GNG2: variants seen among roughly 807,000 people sequenced by gnomAD.
GNG2 encodes G protein subunit gamma 2.
In GNG2, 5 loss-of-function variants were observed where a neutral mutation model predicts 5.5. The ratio of observed to expected loss-of-function variants is 0.91; its 90% confidence interval spans 0.48 to 1.92. The LOEUF is 1.92. Among genes scored for constraint, GNG2 ranks in the 30% most tolerant of loss-of-function variants. The pLI is 0.01. For synonymous variants in GNG2, 28 were observed against 32.0 expected, an observed-to-expected ratio of 0.88 and a Z score of 0.42; for missense variants, 55 against 88.4, an observed-to-expected ratio of 0.62 and a Z score of 1.52.
intron 2 of GNG2, chr14:51,940,503 C>G (rs1407051157): frequency 6.6e-6 from 1 of 152,272 alleles, no homozygotes; most frequent in East Asian, 1.9e-4. Context: ...TTCTTCATCT[C>G]AAACCTCCAC....
chr14:51,917,239 C>G (rs1391508181), intron 2 of GNG2: 1 of 388,604 alleles, frequency 2.6e-6, no homozygotes, highest in African/African-American at 2.1e-5. Flanking sequence ...GTTCTGGAGT[C>G]AAAATATCCA....
intron 2 of GNG2, among the ~76,000 whole-genome samples, chr14:51,884,931 G>A (rs931936160): frequency 1.3e-5 from 2 of 152,172 alleles, no homozygotes; most frequent in African/African-American, 4.8e-5. Flanking sequence ...CTCGAGTTGA[G>A]AGGAGAGGTC....
chr14:51,836,258 G>T (rs947810865), intron 2 of GNG2, among the ~76,000 whole-genome samples: 9 of 151,954 alleles, frequency 5.9e-5, no homozygotes, highest in African/African-American at 1.7e-4. Flanking sequence ...CACACTGGGG[G>T]TTTAGGCTTC....
chr14:51,826,223 G>C (rs886073086), exon 1 of GNG2: 1 of 152,278 alleles, frequency 6.6e-6, no homozygotes, highest in Middle Eastern at 3.4e-3. Context: ...AAGAGCGGAT[G>C]GCTGAAGGTA....
chr14:51,907,039 GC>G (rs1213215298), intron 2 of GNG2, among the ~76,000 whole-genome samples: 2 of 152,144 alleles, frequency 1.3e-5, no homozygotes, highest in Non-Finnish European at 2.9e-5. Context: ...ACAGGCATGA[GC>G]CACCGTGCCC....
intron 1 of GNG2, among the ~76,000 whole-genome samples, chr14:51,872,922 G>T (rs779819534): frequency 6.6e-6 from 1 of 152,136 alleles, no homozygotes; most frequent in African/African-American, 2.4e-5. Context: ...TGTACCCACA[G>T]ATTTAGGCTG....
intron 2 of GNG2, among the ~76,000 whole-genome samples, chr14:51,838,558 A>T (rs1290209615): frequency 6.6e-6 from 1 of 152,218 alleles, no homozygotes; most frequent in Non-Finnish European, 1.5e-5. Flanking sequence ...CTGTTTACTT[A>T]GGAAGTCCTT....
At chr14:51,845,585 C>G (rs957391858) in intron 2 of GNG2, among the ~76,000 whole-genome samples, 5 of 152,176 alleles carry the variant, frequency 3.3e-5, no homozygotes, top group African/African-American at 1.2e-4. Flanking sequence ...TGAAGAACTA[C>G]GAGAGATTCT....
At chr14:51,937,752 T>A (rs1888097543) in intron 2 of GNG2, among the ~76,000 whole-genome samples, 1 of 152,204 alleles carries the variant, frequency 6.6e-6, no homozygotes, top group South Asian at 2.1e-4. Context: ...TACATAATTT[T>A]AAAAAGTGAA....
chr14:51,942,595 T>TCTCTC (rs1413000965), intron 2 of GNG2, among the ~76,000 whole-genome samples: 6 of 125,418 alleles, frequency 4.8e-5, no homozygotes, highest in African/African-American at 1.9e-4. Flanking sequence ...CTTTCTTTTT[T>TCTCTC]TTTTTTTTTT....
intron 2 of GNG2, among the ~76,000 whole-genome samples, chr14:51,949,207 G>A (rs1394856167): frequency 6.6e-6 from 1 of 151,096 alleles, no homozygotes; most frequent in Non-Finnish European, 1.5e-5. Flanking sequence ...GGCTTATTTT[G>A]TAGTATTCTT....
chr14:51,937,320 A>C (rs981652096), intron 2 of GNG2, among the ~76,000 whole-genome samples: 1 of 152,206 alleles, frequency 6.6e-6, no homozygotes, highest in Admixed American at 6.5e-5. Context: ...TCATTCTCTA[A>C]AGGAAATGGA....
chr14:51,958,422 GTC>G (rs770431728), intron 3 of GNG2, among the ~76,000 whole-genome samples: 1 of 134,358 alleles, frequency 7.4e-6, no homozygotes, highest in Non-Finnish European at 1.6e-5. Context: ...CAATCAGTCT[GTC>G]TCTCTCTCTT....
rs551315275 is a variant in GNG2 at position 51,969,552 on chromosome 14, C to T, written c.*2865C>T. ...CATGCTGTCTTTAGGAATTTTTATA[C>T]TTCTTTGTCTTTCTTCCTTAATATT... On this transcript the variant is annotated 3_prime_UTR_variant, in exon 4 of 4. Coordinates refer to ENST00000556766, the MANE Select transcript of GNG2 (RefSeq NM_053064.5). The T allele has an allele frequency of 3.9e-5, 6 of 152,284 alleles. No individual in the cohort carries two copies. In the South Asian group the frequency reaches 1.2e-3, roughly 32 times the overall value. The allele number at this position is 152,284 out of a possible 1,614,324, so 9.4% of individuals were successfully genotyped here.
chr14:51,872,086 A>G (rs1030814050), intron 1 of GNG2, among the ~76,000 whole-genome samples: 4 of 152,208 alleles, frequency 2.6e-5, no homozygotes, highest in African/African-American at 9.7e-5. Flanking sequence ...TCATACTGTC[A>G]AGACAACACA....
At chr14:51,886,190 T>C (rs1376927901) in intron 2 of GNG2, among the ~76,000 whole-genome samples, 1 of 152,234 alleles carries the variant, frequency 6.6e-6, no homozygotes, top group Non-Finnish European at 1.5e-5. Flanking sequence ...TGAAGAAGCA[T>C]GACATATCAA....
chr14:51,933,111 C>T (rs528918236), intron 2 of GNG2, among the ~76,000 whole-genome samples: 1 of 152,182 alleles, frequency 6.6e-6, no homozygotes, highest in African/African-American at 2.4e-5. Context: ...TCTGCTGGCA[C>T]CTTGATTTTG....
intron 2 of GNG2, chr14:51,914,207 GCTGCCAGAAATGA>G: frequency 1.4e-6 from 1 of 702,092 alleles, no homozygotes; most frequent in Middle Eastern, 2.3e-4. Context: ...CTAGCTGGAG[GCTGCCAGAAATGA>G]CTGTGCCATT....
intron 3 of GNG2, among the ~76,000 whole-genome samples, chr14:51,963,090 T>C (rs950348377): frequency 2.0e-5 from 3 of 152,234 alleles, no homozygotes; most frequent in African/African-American, 7.2e-5. Context: ...TTCTGACACA[T>C]AGCAAGGGCT....
Sources: allele counts gnomAD v4.1 joint callset (sites outside exome capture counted in the v4.1 genomes callset), GRCh38; gene constraint gnomAD v4.1.1; transcripts MANE v1.5; gene names NCBI Gene and HGNC (gene_info 2026-07-23, HGNC 2026-07-21).